FNDC3A: variants seen among roughly 807,000 people sequenced by gnomAD.
FNDC3A encodes fibronectin type III domain containing 3A, also known as fibronectin type-III domain-containing protein 3A.
FNDC3A carries 32 observed loss-of-function variants against 148.9 expected under a neutral mutation model. The ratio of observed to expected loss-of-function variants is 0.21; its 90% CI spans 0.16 to 0.29. FNDC3A has a LOEUF of 0.29. Among genes scored for constraint, FNDC3A ranks in the 10% least tolerant of loss-of-function variants. FNDC3A has a pLI of 1.00. For missense variants in FNDC3A, 1,191 were observed against 1,452.8 expected (o/e 0.82, Z 2.93); for synonymous variants, 472 against 473.6 (o/e 1.00, Z 0.04).
intron 2 of FNDC3A, among the ~76,000 whole-genome samples, chr13:49,022,563 C>T (rs1041961788): frequency 3.9e-5 from 6 of 152,130 alleles, no homozygotes; most frequent in Non-Finnish European, 8.8e-5. Context: ...AAACATAAAC[C>T]TTAGGAATGA....
chr13:49,015,695 A>G (rs569351191), intron 2 of FNDC3A, among the ~76,000 whole-genome samples: 259 of 152,200 alleles, frequency 1.7e-3, no homozygotes, highest in African/African-American at 6.1e-3. Context: ...TTCAAAGGGA[A>G]TGCTTCCAGT....
rs200453524 is a variant in FNDC3A at position 49,020,281 on chromosome 13, C to T, written c.99+13992C>T. On this transcript the variant is annotated intron_variant, in intron 2 of 25. Transcript: ENST00000492622. The stretch of plus-strand genomic sequence containing the variant: ...CTGAATTAAGGTCATGTTAATGATA[C>T]ACGATTTGAGAAATATTAAGGAGGT... Among the ~76,000 whole-genome samples the T allele has an allele frequency of 5.3e-5, 8 of 152,086 alleles. No homozygotes were observed. The East Asian group carries it at 1.5e-3, about 29-fold the overall frequency.
Position 49,165,056 on chromosome 13 carries a change from T to C in FNDC3A, c.978-2188T>C, listed in dbSNP as rs75865755. ...TTATGTTTCTTTGGTAAATTTCTTA[T>C]ATTCCAAATTGTTTTTCTAAATTAT... On this transcript the variant is annotated intron_variant, in intron 8 of 25. Coordinates refer to ENST00000492622, the MANE Select transcript of FNDC3A (RefSeq NM_001079673.2). Among the ~76,000 whole-genome samples the C allele has an allele frequency of 4.8e-3, 729 of 152,356 alleles. 9 individuals carry two copies. Among genetic ancestry groups the C allele is most frequent in the African/African-American group, 0.016 (684 of 41,592 alleles).
At chr13:49,039,107 T>C (rs1874726121) in intron 2 of FNDC3A, among the ~76,000 whole-genome samples, 1 of 152,144 alleles carries the variant, frequency 6.6e-6, no homozygotes, top group Admixed American at 6.5e-5. Context: ...CTGTTCTCTT[T>C]TGTATGTAAG....
intron 15 of FNDC3A, 67 bp downstream of exon 15, chr13:49,186,169 A>G (rs12868400): frequency 9.8e-6 from 13 of 1,321,010 alleles, no homozygotes; most frequent in Non-Finnish European, 1.1e-6. Flanking sequence ...GAATATGAAG[A>G]TAATTTTTAA....
At chr13:49,011,796 CA>C (rs1328499464) in intron 2 of FNDC3A, among the ~76,000 whole-genome samples, 3 of 151,262 alleles carry the variant, frequency 2.0e-5, no homozygotes, top group African/African-American at 7.3e-5. Context: ...GACCGTGTCT[CA>C]AAAAAAATGT....
At chr13:49,091,036 T>C (rs1269260590) in intron 3 of FNDC3A, among the ~76,000 whole-genome samples, 1 of 152,000 alleles carries the variant, frequency 6.6e-6, no homozygotes, top group Non-Finnish European at 1.5e-5. Flanking sequence ...CCATACATGC[T>C]CAGGGAAAGA....
rs140795633 is a variant in FNDC3A, at chr13:49,165,614, A to T, written c.978-1630A>T. Among the ~76,000 whole-genome samples the T allele has an allele frequency of 6.7e-3, 1,020 of 152,252 alleles. 13 individuals carry two copies. Among genetic ancestry groups the T allele is most frequent in the East Asian group, 0.054 (279 of 5,174 alleles). ...CCCCCAGGTGTTGTACATGAGTACC[A>T]GTGTTAGCAAATCCAGGCATGCTGA... On this transcript the variant is annotated intron_variant, in intron 8 of 25. Coordinates refer to ENST00000492622, the MANE Select transcript of FNDC3A (RefSeq NM_001079673.2).
chr13:49,138,890 TTAAC>T, intron 7 of FNDC3A, 85 bp downstream of exon 7: 1 of 727,218 alleles, frequency 1.4e-6, no homozygotes, highest in Non-Finnish European at 2.2e-6. Flanking sequence ...TTTTTTTCTT[TTAAC>T]TTTTTATGAA....
intron 9 of FNDC3A, among the ~76,000 whole-genome samples, chr13:49,168,299 TAAA>T (rs1465868484): frequency 6.6e-6 from 1 of 152,160 alleles, no homozygotes; most frequent in African/African-American, 2.4e-5. Context: ...CAGCATTTTT[TAAA>T]AAAGAGAAAT....
intron 25 of FNDC3A, among the ~76,000 whole-genome samples, chr13:49,204,582 G>C (rs913730259): frequency 1.3e-5 from 2 of 152,258 alleles, no homozygotes; most frequent in Non-Finnish European, 1.5e-5. Flanking sequence ...GTAATTTACA[G>C]ATAAGTAGGT....
Position 49,175,390 on chromosome 13 carries a change from A to C in FNDC3A, c.1379A>C (p.Tyr460Ser), listed in dbSNP as rs2138064189. The change falls in exon 13 of 26, where the codon TAT (tyrosine) becomes TCT (serine). Residue 460 changes from tyrosine (Y) to serine (S), a missense_variant. Around this residue, in one of 3 missense-constraint regions of FNDC3A, gnomAD observed 751 missense variants for 944.0 expected, o/e 0.80. Transcript: ENST00000492622. ...AGTGGTTTTAGTGAAGAAGTCTTAT[A>C]TTACACCTCAGGCTGTGCTCCTTCT... Reference protein sequence around the residue: ...GTSGFSEEVLYYTSGCAPSMP... With the variant: ...GTSGFSEEVLSYTSGCAPSMP... The C allele has an allele frequency of 6.3e-7, 1 of 1,595,430 alleles. No individual in the cohort carries two copies. The highest frequency in any genetic ancestry group is 2.3e-5 in the East Asian group (1 of 44,006).
rs532371471 is a variant in FNDC3A, at chr13:49,018,976, C to T, written c.99+12687C>T. ...CTGCCCGTTCTCAGATCTCCAGCTGCGTGCTGGGAGAACCACTGCTCTCTT... is the reference window on the plus strand; with the variant it reads ...CTGCCCGTTCTCAGATCTCCAGCTGTGTGCTGGGAGAACCACTGCTCTCTT... On this transcript the variant is annotated intron_variant, in intron 2 of 25. Transcript: ENST00000492622. Among the ~76,000 whole-genome samples, 387 of 150,060 alleles carry T rather than the reference C, an allele frequency of 2.6e-3. 2 individuals are homozygous for T. The highest frequency in any genetic ancestry group is 8.2e-3 in the African/African-American group (337 of 40,852).
At chr13:49,155,378 T>C (rs1405578467) in intron 8 of FNDC3A, among the ~76,000 whole-genome samples, 2 of 150,618 alleles carry the variant, frequency 1.3e-5, no homozygotes, top group Non-Finnish European at 2.9e-5. Flanking sequence ...CCTTTATCAT[T>C]TTTTTTGTGT....
intron 19 of FNDC3A, 28 bp downstream of exon 19, chr13:49,191,412 A>T: frequency 6.6e-7 from 1 of 1,519,366 alleles, no homozygotes; most frequent in Non-Finnish European, 8.9e-7. Context: ...GTAGAATTAT[A>T]ATCACAATGG....
chr13:49,022,502 A>G (rs562954804), intron 2 of FNDC3A, among the ~76,000 whole-genome samples: 29 of 152,302 alleles, frequency 1.9e-4, no homozygotes, highest in African/African-American at 6.5e-4. Context: ...AAAAGTTACA[A>G]ATTTGTAAAT....
intron 3 of FNDC3A, among the ~76,000 whole-genome samples, chr13:49,110,739 A>G (rs1308957405): frequency 6.6e-6 from 1 of 152,256 alleles, no homozygotes; most frequent in Non-Finnish European, 1.5e-5. Context: ...GTTGCATTTT[A>G]AGAATTAAAA....
chr13:49,058,009 T>A (rs896543208), intron 2 of FNDC3A, among the ~76,000 whole-genome samples: 1 of 152,078 alleles, frequency 6.6e-6, no homozygotes, highest in African/African-American at 2.4e-5. Flanking sequence ...ATTAGATCTC[T>A]AAAGAAGTAA....
chr13:49,207,616 G>T lies in FNDC3A; in HGVS notation c.*221G>T, dbSNP rs547592739. On this transcript the variant is annotated 3_prime_UTR_variant, in exon 26 of 26. Coordinates refer to ENST00000492622, the MANE Select transcript of FNDC3A (RefSeq NM_001079673.2). ...AATTTTGTTTTTTTTGTTAGGGTGG[G>T]TCTTCTTTTTTTCTTTCCCTCTCTC... The T allele has an allele frequency of 1.2e-4, 50 of 409,150 alleles. No homozygotes were observed. Among genetic ancestry groups the T allele is most frequent in the African/African-American group, 6.4e-4 (31 of 48,278 alleles). 25.3% of individuals were successfully genotyped at this position (409,150 alleles called of 1,614,324 possible). A position where few individuals can be genotyped will look rare whatever the true frequency, so the allele number is the denominator to read the frequency against.
Sources: allele counts gnomAD v4.1 joint callset (sites outside exome capture counted in the v4.1 genomes callset), GRCh38; gene constraint gnomAD v4.1.1; regional missense constraint gnomAD v4.1.1; transcripts MANE v1.5; gene names NCBI Gene and HGNC (gene_info 2026-07-23, HGNC 2026-07-21).